The following ENOX2 variants were observed in gnomAD, a reference collection of about 807,000 sequenced individuals.
ENOX2 encodes the protein APK1 antigen.
A neutral mutation model predicts 45.0 loss-of-function variants in ENOX2; 36 were observed. That is an observed-to-expected ratio of 0.80 (90% CI 0.61 to 1.06). The LOEUF (loss-of-function observed/expected upper bound fraction) is 1.06, where lower values mean the gene tolerates loss of function less well. ENOX2 is among the 50% of genes least tolerant of loss of function. The pLI, the probability that ENOX2 is intolerant of heterozygous loss-of-function variation, is 0.00. For synonymous variants in ENOX2, 174 were observed against 152.3 expected (o/e 1.14, Z -1.05); for missense variants, 423 against 462.5 (o/e 0.91, Z 0.78).
chrX:130,682,019 C>T (rs986368817), intron 5 of ENOX2, among the ~76,000 whole-genome samples: 1 of 107,301 alleles, frequency 9.3e-6, no homozygotes, highest in Non-Finnish European at 1.9e-5. Context: ...AACACAACCC[C>T]CCCCCCCACC....
intron 2 of ENOX2, among the ~76,000 whole-genome samples, chrX:130,786,152 G>C (rs187146802): frequency 1.8e-5 from 2 of 112,638 alleles, no homozygotes; most frequent in African/African-American, 6.4e-5. Flanking sequence ...TAATTGGATG[G>C]GGGTAGATGA....
chrX:130,672,375 G>A (rs1015937803), intron 6 of ENOX2, among the ~76,000 whole-genome samples: 7 of 112,118 alleles, frequency 6.2e-5, no homozygotes, highest in Non-Finnish European at 1.3e-4. Flanking sequence ...CTGCTGGCCC[G>A]GTCCTGGTGG....
At chrX:130,856,825 AAAT>A (rs2078315177) in intron 2 of ENOX2, among the ~76,000 whole-genome samples, 1 of 111,786 alleles carries the variant, frequency 8.9e-6, no homozygotes, top group East Asian at 2.8e-4. Context: ...CAATGGAATT[AAAT>A]AATAAGTCAA....
Position 130,712,545 on chromosome X carries a change from C to T in ENOX2, c.-38-9291G>A, listed in dbSNP as rs139241909. 4.0e-3 allele frequency among the ~76,000 whole-genome samples: 440 copies of T among 111,106 alleles called. 2 individuals carry two copies. Among genetic ancestry groups the T allele is most frequent in the East Asian group, 0.012 (42 of 3,508 alleles). On this transcript the variant is annotated intron_variant, in intron 3 of 14. Transcript: ENST00000394363. ...GGCATTCCACTGGAACAGGGAAGAACGCTTCAGATGAGCATGTGTACAACT... is the reference window on the plus strand; with the variant it reads ...GGCATTCCACTGGAACAGGGAAGAATGCTTCAGATGAGCATGTGTACAACT...
At chrX:130,835,972 G>C (rs1050224771) in intron 2 of ENOX2, among the ~76,000 whole-genome samples, 2 of 112,309 alleles carry the variant, frequency 1.8e-5, no homozygotes, top group African/African-American at 6.5e-5. Context: ...ATAGCAAATG[G>C]AGCTGCCAGC....
In ENOX2 at chrX:130,632,898, T is replaced by C. The variant is rs181847762; in HGVS notation, c.1420-1322A>G. Among the ~76,000 whole-genome samples the C allele has an allele frequency of 5.3e-4, 60 of 112,322 alleles. No homozygotes were observed. The East Asian group carries it at 0.015, about 28-fold the overall frequency. On this transcript the variant is annotated intron_variant, in intron 12 of 14. Transcript: ENST00000394363. ...ACTAGCTCACTTCTAAGCCATGGGC[T>C]TCACATCTGCTTCTGACCCCCTTAA...
chrX:130,790,742 T>C (rs760288850), intron 2 of ENOX2, among the ~76,000 whole-genome samples: 32 of 111,947 alleles, frequency 2.9e-4, no homozygotes, highest in Admixed American at 1.9e-4. Flanking sequence ...TTAGGGCTTA[T>C]CTCAGATGCT....
At chrX:130,796,245 G>A (rs763144751) in intron 2 of ENOX2, among the ~76,000 whole-genome samples, 4 of 111,544 alleles carry the variant, frequency 3.6e-5, no homozygotes, top group Non-Finnish European at 7.5e-5. Flanking sequence ...ATGTATAATT[G>A]GATCTGGGAG....
intron 4 of ENOX2, among the ~76,000 whole-genome samples, chrX:130,693,515 G>C (rs1465657944): frequency 2.7e-5 from 3 of 111,639 alleles, no homozygotes; most frequent in African/African-American, 9.8e-5. Context: ...AATCCAACTT[G>C]GTCTAATTCT....
intron 3 of ENOX2, among the ~76,000 whole-genome samples, chrX:130,732,738 T>C (rs2038767796): frequency 9.0e-6 from 1 of 110,522 alleles, no homozygotes; most frequent in African/African-American, 3.3e-5. Flanking sequence ...GTACAGTTAA[T>C]TGATCTTCAA....
rs191385499 is a variant in ENOX2 at position 130,701,362 on chromosome X, A to G, written c.97+1758T>C. 3.9e-3 allele frequency among the ~76,000 whole-genome samples: 434 copies of G among 110,874 alleles called. 1 individual carries two copies. Among genetic ancestry groups the G allele is most frequent in the African/African-American group, 0.013 (410 of 30,660 alleles). On this transcript the variant is annotated intron_variant, in intron 4 of 14. Transcript: ENST00000394363. Reference sequence around the variant, plus strand: ...AGTTTAAAACAATATAAAACAATATATATTTCATATAAATATATAAAACAA... The same window carrying G: ...AGTTTAAAACAATATAAAACAATATGTATTTCATATAAATATATAAAACAA...
chrX:130,711,595 T>C (rs2038192185), intron 3 of ENOX2, among the ~76,000 whole-genome samples: 1 of 111,547 alleles, frequency 9.0e-6, no homozygotes, highest in African/African-American at 3.3e-5. Flanking sequence ...AGGGTCTTTA[T>C]GCTGGCCTAT....
intron 2 of ENOX2, among the ~76,000 whole-genome samples, chrX:130,828,867 G>C (rs1208654589): frequency 8.9e-6 from 1 of 111,835 alleles, no homozygotes; most frequent in African/African-American, 3.2e-5. Context: ...AGAAGTGAAA[G>C]GCAATGGTGA....
chrX:130,759,847 T>G (rs899539688), intron 3 of ENOX2, among the ~76,000 whole-genome samples: 1 of 110,737 alleles, frequency 9.0e-6, no homozygotes, highest in Admixed American at 9.6e-5. Context: ...CAGAAATACC[T>G]TGCTAAAATT....
intron 10 of ENOX2, among the ~76,000 whole-genome samples, chrX:130,640,882 C>A (rs1017526664): frequency 2.7e-5 from 3 of 111,225 alleles, no homozygotes; most frequent in Admixed American, 1.9e-4. Flanking sequence ...GACAAACCTG[C>A]AGATCCTGCA....
At chrX:130,682,583 C>CAAAA (rs55875735) in intron 5 of ENOX2, among the ~76,000 whole-genome samples, 173 of 14,660 alleles carry the variant, frequency 0.012, 39 homozygotes, top group East Asian at 0.016. Flanking sequence ...GACTCCGTCT[C>CAAAA]AAAAAAAAAA....
chrX:130,710,086 C>T (rs1477591050), intron 3 of ENOX2, among the ~76,000 whole-genome samples: 2 of 111,737 alleles, frequency 1.8e-5, no homozygotes, highest in Non-Finnish European at 3.8e-5. Context: ...TTATATAATG[C>T]TTACTATGCA....
At position 130,622,449 on chromosome X, in the gene ENOX2, C is replaced by A. The variant is rs1353708420; in HGVS notation, c.*2865G>T. Among the ~76,000 whole-genome samples, 2 of 111,479 alleles carry A rather than the reference C, an allele frequency of 1.8e-5. No homozygotes were observed. The highest frequency in any genetic ancestry group is 5.6e-4 in the East Asian group (2 of 3,587). On this transcript the variant is annotated 3_prime_UTR_variant, in exon 15 of 15. Coordinates refer to ENST00000394363, the MANE Select transcript of ENOX2 (RefSeq NM_006375.4). ...GTCTTTAATTTTCTATGAAAAATAA[C>A]CTTCATTTGCATTGAAGACATTTAA...
At chrX:130,783,050 G>A (rs907633763) in intron 3 of ENOX2, among the ~76,000 whole-genome samples, 4 of 111,707 alleles carry the variant, frequency 3.6e-5, no homozygotes, top group African/African-American at 1.3e-4. Context: ...GTAGAGGTGG[G>A]GAGATGCAAA....
Sources: allele counts gnomAD v4.1 joint callset (sites outside exome capture counted in the v4.1 genomes callset), GRCh38; gene constraint gnomAD v4.1.1; transcripts MANE v1.5; gene names NCBI Gene and HGNC (gene_info 2026-07-23, HGNC 2026-07-21).